ME3: variants seen among roughly 807,000 people sequenced by gnomAD.
ME3 encodes malic enzyme 3.
A neutral mutation model predicts 68.9 loss-of-function variants in ME3; 48 were observed. That is an observed-to-expected ratio of 0.70 (90% CI 0.55 to 0.89). ME3 has a LOEUF of 0.89. ME3 is among the 40% of genes least tolerant of loss of function. The pLI is 0.00. For synonymous variants in ME3, 320 were observed against 318.8 expected (o/e 1.00, Z -0.04); for missense variants, 675 against 797.4 (o/e 0.85, Z 1.85).
At chr11:86,450,040 C>A (rs761413159) in intron 9 of ME3, 38 bp from the exon 10 acceptor site, 3 of 1,444,870 alleles carry the variant, frequency 2.1e-6, no homozygotes, top group Non-Finnish European at 1.9e-6. Context: ...AGACACAGGG[C>A]AAACAGCTGC....
chr11:86,539,407 A>G (rs947363835), intron 4 of ME3, among the ~76,000 whole-genome samples: 43 of 152,284 alleles, frequency 2.8e-4, no homozygotes, highest in African/African-American at 1.0e-3. Flanking sequence ...AACCCATGCC[A>G]CACTTCACAC....
At chr11:86,456,365 G>A (rs191265894) in intron 8 of ME3, among the ~76,000 whole-genome samples, 15 of 152,278 alleles carry the variant, frequency 9.9e-5, no homozygotes, top group Non-Finnish European at 7.4e-5. Context: ...GGTGTCAACC[G>A]TCTTCTGGGG....
Position 86,508,934 on chromosome 11 carries a change from A to G in ME3, c.468-67T>C, listed in dbSNP as rs138240061. On this transcript the variant is annotated intron_variant, in intron 4 of 14. Transcript: ENST00000543262. The stretch of plus-strand genomic sequence containing the variant: ...TCAGATTAGGAACTGAGCAAAGTCC[A>G]TAGTACTAGGTATTGCATTAATTAA... The G allele has an allele frequency of 2.4e-4, 307 of 1,276,194 alleles. 2 individuals are homozygous for G. The East Asian group carries it at 6.0e-3, about 25-fold the overall frequency. The allele number at this position is 1,276,194 out of a possible 1,614,324, so 79.1% of individuals were successfully genotyped here. A position where few individuals can be genotyped will look rare whatever the true frequency, so the allele number is the denominator to read the frequency against.
chr11:86,557,461 G>T (rs1956989779), intron 3 of ME3, among the ~76,000 whole-genome samples: 1 of 152,168 alleles, frequency 6.6e-6, no homozygotes, highest in African/African-American at 2.4e-5. Flanking sequence ...TGATGCTCTG[G>T]CATGAGGTGG....
chr11:86,445,750 C>T (rs577594700), intron 13 of ME3, among the ~76,000 whole-genome samples: 1 of 152,158 alleles, frequency 6.6e-6, no homozygotes, highest in South Asian at 2.1e-4. Context: ...TAGTAAAGAA[C>T]TCTTTTGTGC....
intron 2 of ME3, among the ~76,000 whole-genome samples, chr11:86,576,724 C>T (rs1028070403): frequency 2.0e-5 from 3 of 152,150 alleles, no homozygotes; most frequent in Admixed American, 6.5e-5. Flanking sequence ...CCCTCAGCTA[C>T]ATTTCTTGCT....
rs1162872706 is a variant in ME3 at position 86,593,192 on chromosome 11, C to CTGA, written c.184-33370_184-33369insTCA. 2.1e-3 allele frequency among the ~76,000 whole-genome samples: 309 copies of CTGA among 147,940 alleles called. 5 individuals carry two copies. The highest frequency in any genetic ancestry group is 5.8e-3 in the East Asian group (25 of 4,282). ...TGTGGAAGACCCATGATTTCCTCCA[C>CTGA]CCTCCTTCACTCACATAGTAAAAGT... On this transcript the variant is annotated intron_variant, in intron 2 of 14. Transcript: ENST00000543262.
At chr11:86,516,777 C>CATCA (rs1294432685) in intron 4 of ME3, among the ~76,000 whole-genome samples, 4 of 152,152 alleles carry the variant, frequency 2.6e-5, no homozygotes, top group Non-Finnish European at 5.9e-5. Flanking sequence ...CAGGAACATA[C>CATCA]ATCACTGTCC....
At position 86,497,932 on chromosome 11, in the gene ME3, C is replaced by T. The variant is rs765000246; in HGVS notation, c.705+31G>A. The T allele has an allele frequency of 1.9e-6, 3 of 1,550,876 alleles. No individual in the cohort carries two copies. The African/African-American group carries it at 4.1e-5, about 21-fold the overall frequency. ...CCTGTCCCAGTTGCCACCTTTTGGC[C>T]CCAGAGCTCCTGCCCTGGGCAGTGG... On this transcript the variant is annotated intron_variant, in intron 6 of 14. Transcript: ENST00000543262.
chr11:86,665,063 G>A (rs115653134), intron 2 of ME3, among the ~76,000 whole-genome samples: 1,879 of 152,298 alleles, frequency 0.012, 46 homozygotes, highest in African/African-American at 0.042. Context: ...GCAGGGTGAA[G>A]GGAAGAGATG....
chr11:86,582,349 A>G (rs1234399578), intron 2 of ME3, among the ~76,000 whole-genome samples: 1 of 152,250 alleles, frequency 6.6e-6, no homozygotes, highest in Non-Finnish European at 1.5e-5. Context: ...GTGCATCAGA[A>G]GCACCTTAGC....
chr11:86,470,745 G>T (rs964113069), intron 7 of ME3, among the ~76,000 whole-genome samples: 1 of 152,128 alleles, frequency 6.6e-6, no homozygotes. Flanking sequence ...TCAGGGCGAG[G>T]CCATCTCTCC....
intron 4 of ME3, among the ~76,000 whole-genome samples, chr11:86,509,669 A>C (rs1446099221): frequency 2.6e-5 from 4 of 151,948 alleles, no homozygotes; most frequent in African/African-American, 4.8e-5. Flanking sequence ...TGGGTTCTGG[A>C]AGGGAATAAG....
chr11:86,605,099 G>C (rs76973607), intron 2 of ME3, among the ~76,000 whole-genome samples: 1 of 152,112 alleles, frequency 6.6e-6, no homozygotes, highest in African/African-American at 2.4e-5. Flanking sequence ...GAATCATAAC[G>C]TATGTGAATT....
At chr11:86,603,393 A>C (rs1961055888) in intron 2 of ME3, among the ~76,000 whole-genome samples, 1 of 152,236 alleles carries the variant, frequency 6.6e-6, no homozygotes, top group Non-Finnish European at 1.5e-5. Flanking sequence ...TCAAAACCAC[A>C]ATGAGATACC....
At chr11:86,637,295 G>A (rs932006752) in intron 2 of ME3, among the ~76,000 whole-genome samples, 1 of 140,890 alleles carries the variant, frequency 7.1e-6, no homozygotes, top group Non-Finnish European at 1.5e-5. Flanking sequence ...GTCCTTGGGA[G>A]ATCCTATTAT....
intron 8 of ME3, among the ~76,000 whole-genome samples, chr11:86,455,365 A>G (rs1428967471): frequency 1.3e-5 from 2 of 152,262 alleles, no homozygotes; most frequent in African/African-American, 2.4e-5. Flanking sequence ...TTGAGCATCA[A>G]TTATGAACCA....
At chr11:86,446,623 A>G (rs1949315976) in intron 12 of ME3, 136 bp from the exon 13 acceptor site, 1 of 814,066 alleles carries the variant, frequency 1.2e-6, no homozygotes, top group East Asian at 2.7e-5. Flanking sequence ...AGAACATGGC[A>G]GGTATTTAAA....
chr11:86,595,294 T>C (rs1959213753), intron 2 of ME3, among the ~76,000 whole-genome samples: 1 of 78,688 alleles, frequency 1.3e-5, no homozygotes, highest in South Asian at 4.0e-4. Flanking sequence ...TACATATACA[T>C]ATATATATAT....
Sources: gnomAD v4.1 joint callset for allele counts (sites outside exome capture counted in the v4.1 genomes callset) on GRCh38, gnomAD v4.1.1 for gene constraint, MANE v1.5 for transcripts, NCBI Gene and HGNC (gene_info 2026-07-23, HGNC 2026-07-21) for gene names.